Variants in RIMS2 observed in about 807,000 individuals in gnomAD.
The protein encoded by RIMS2 is regulating synaptic membrane exocytosis protein 2.
A neutral mutation model predicts 174.4 loss-of-function variants in RIMS2; 59 were observed. That is an observed-to-expected ratio of 0.34 (90% CI 0.27 to 0.42). The LOEUF is 0.42. RIMS2 is among the 10% of genes least tolerant of loss of function. The pLI is 1.00. For synonymous variants in RIMS2, 606 were observed against 572.5 expected, an observed-to-expected ratio of 1.06 and a Z score of -0.84; for missense variants, 1,620 against 1,666.3, an observed-to-expected ratio of 0.97 and a Z score of 0.48.
At position 104,148,592 on chromosome 8, in the gene RIMS2, T is replaced by C. The variant is rs978324012; in HGVS notation, c.3335-96324T>C. The C allele has an allele frequency of 1.3e-6, 2 of 1,593,138 alleles. No homozygotes were observed. The highest frequency in any genetic ancestry group is 2.2e-5 in the East Asian group (1 of 44,774). ...TTACTCTTGTCCTCACTTTTAATGA[T>C]CCATCGGCTGACAGTGTCTTTACAT... On this transcript the variant is annotated intron_variant, in intron 19 of 23. Transcript: ENST00000504942.
At chr8:103,729,748 A>G (rs1021597975) in intron 2 of RIMS2, among the ~76,000 whole-genome samples, 3 of 151,870 alleles carry the variant, frequency 2.0e-5, no homozygotes, top group African/African-American at 7.3e-5. Flanking sequence ...TTGTATTTCC[A>G]TTTTCATTTG....
chr8:103,995,697 A>G (rs1444597086), intron 17 of RIMS2, among the ~76,000 whole-genome samples: 1 of 152,060 alleles, frequency 6.6e-6, no homozygotes, highest in Non-Finnish European at 1.5e-5. Context: ...AAGGATTTTT[A>G]GTAAGGTACC....
intron 1 of RIMS2, among the ~76,000 whole-genome samples, chr8:103,588,905 T>A (rs915717988): frequency 6.6e-6 from 1 of 151,662 alleles, no homozygotes. Flanking sequence ...AGAAATGAAC[T>A]AATGGGATCA....
intron 19 of RIMS2, chr8:104,015,314 A>G: frequency 1.8e-6 from 1 of 559,506 alleles, no homozygotes; most frequent in Non-Finnish European, 3.1e-6. Context: ...CTAGTAGATA[A>G]TACATTCTGT....
At chr8:104,171,835 C>T (rs981389591) in intron 19 of RIMS2, among the ~76,000 whole-genome samples, 11 of 152,044 alleles carry the variant, frequency 7.2e-5, no homozygotes, top group Non-Finnish European at 1.5e-5. Context: ...TTTTGTTCCC[C>T]TCTTAAGGAT....
At chr8:103,943,020 A>G (rs998814793) in intron 14 of RIMS2, 94 bp downstream of exon 16, 1 of 853,406 alleles carries the variant, frequency 1.2e-6, no homozygotes, top group Non-Finnish European at 1.8e-6. Context: ...CTTTGTGAAT[A>G]TTAATAGTCA....
At chr8:103,700,522 G>C (rs1009793842) in intron 2 of RIMS2, among the ~76,000 whole-genome samples, 1 of 151,716 alleles carries the variant, frequency 6.6e-6, no homozygotes, top group African/African-American at 2.4e-5. Context: ...AAATTTATTT[G>C]TTTGAAGTAC....
intron 3 of RIMS2, among the ~76,000 whole-genome samples, chr8:103,787,142 T>C (rs201859871): frequency 1.5e-3 from 216 of 145,892 alleles, no homozygotes; most frequent in African/African-American, 5.2e-3. Flanking sequence ...TCCTCCATCC[T>C]TTTATTTTGA....
intron 17 of RIMS2, among the ~76,000 whole-genome samples, chr8:104,011,407 A>T (rs1461663081): frequency 1.3e-5 from 2 of 152,124 alleles, no homozygotes; most frequent in African/African-American, 4.8e-5. Context: ...AGTAAAATGT[A>T]AAAGATGGGT....
intron 23 of RIMS2, among the ~76,000 whole-genome samples, 183 bp downstream of exon 29, chr8:104,251,346 T>C (rs1322738035): frequency 6.6e-6 from 1 of 152,238 alleles, no homozygotes; most frequent in East Asian, 1.9e-4. Flanking sequence ...TAAAGTGATT[T>C]ACAGACATGC....
intron 2 of RIMS2, among the ~76,000 whole-genome samples, chr8:103,759,530 A>T (rs2098082403): frequency 7.1e-6 from 1 of 140,066 alleles, no homozygotes; most frequent in African/African-American, 2.8e-5. Flanking sequence ...GTGCCACTGC[A>T]CTCCAGCCTG....
chr8:103,935,084 G>A (rs540483660), intron 12 of RIMS2, among the ~76,000 whole-genome samples: 3 of 152,018 alleles, frequency 2.0e-5, no homozygotes, highest in Non-Finnish European at 4.4e-5. Flanking sequence ...CTTTTGACAG[G>A]GTCTCAGAAT....
intron 19 of RIMS2, among the ~76,000 whole-genome samples, chr8:104,242,220 G>A (rs954865071): frequency 6.6e-6 from 1 of 151,966 alleles, no homozygotes; most frequent in Admixed American, 6.6e-5. Context: ...GGGGGTGGGG[G>A]CTTGGTTGTT....
At chr8:104,245,376 C>T (rs1312043280) in intron 20 of RIMS2, among the ~76,000 whole-genome samples, 1 of 152,190 alleles carries the variant, frequency 6.6e-6, no homozygotes, top group African/African-American at 2.4e-5. Context: ...AAATAATAAG[C>T]ATGCATGCCA....
intron 3 of RIMS2, among the ~76,000 whole-genome samples, chr8:103,828,175 G>A (rs944837189): frequency 6.6e-6 from 1 of 152,116 alleles, no homozygotes; most frequent in African/African-American, 2.4e-5. Context: ...GTCTATGACA[G>A]GTTTGGGCAT....
chr8:104,051,660 CTT>C lies in RIMS2; in HGVS notation c.3334+37047_3334+37048del, dbSNP rs569651268. On this transcript the variant is annotated intron_variant, in intron 19 of 23. Transcript: ENST00000504942. ...GAAAAGAATGAAATAAAATTTGACT[CTT>C]TGCATGTGTGTGTGAGAGAGAGAAA... 1.5e-4 allele frequency among the ~76,000 whole-genome samples: 23 copies of C among 152,196 alleles called. No individual in the cohort carries two copies. In the South Asian group the frequency reaches 4.1e-3, roughly 27 times the overall value.
chr8:103,991,280 CTTAA>C (rs2094680323), intron 17 of RIMS2, among the ~76,000 whole-genome samples: 1 of 151,632 alleles, frequency 6.6e-6, no homozygotes, highest in East Asian at 1.9e-4. Context: ...CACAATTCCT[CTTAA>C]TTGTGAGCTG....
chr8:104,006,726 T>C (rs997911978), intron 17 of RIMS2, among the ~76,000 whole-genome samples: 5 of 151,404 alleles, frequency 3.3e-5, no homozygotes, highest in African/African-American at 1.2e-4. Flanking sequence ...TTACATATGC[T>C]TCCTTCACTC....
At chr8:104,128,647 A>G (rs1307024268) in intron 19 of RIMS2, among the ~76,000 whole-genome samples, 4 of 152,204 alleles carry the variant, frequency 2.6e-5, no homozygotes, top group Non-Finnish European at 5.9e-5. Context: ...CGGTGAGCCA[A>G]GATCGCGCCA....
Sources: gnomAD v4.1 joint callset for allele counts (sites outside exome capture counted in the v4.1 genomes callset) on GRCh38, gnomAD v4.1.1 for gene constraint, MANE v1.5 for transcripts, NCBI Gene and HGNC (gene_info 2026-07-23, HGNC 2026-07-21) for gene names.